Variants in DMTN observed in about 807,000 individuals in gnomAD.
DMTN encodes the protein dematin actin binding protein.
A neutral mutation model predicts 59.4 loss-of-function variants in DMTN; 27 were observed. That is an observed-to-expected ratio of 0.45 (90% CI 0.33 to 0.63). The LOEUF (loss-of-function observed/expected upper bound fraction) is 0.63, where lower values mean the gene tolerates loss of function less well. DMTN is among the 20% of genes least tolerant of loss of function. The pLI, the probability that DMTN is intolerant of heterozygous loss-of-function variation, is 0.02. For missense variants in DMTN, 451 were observed against 528.9 expected, an observed-to-expected ratio of 0.85 and a Z score of 1.45; for synonymous variants, 221 against 203.7, an observed-to-expected ratio of 1.08 and a Z score of -0.72.
chr8:22,081,281 G>C lies in DMTN; in HGVS notation c.1105-69G>C, dbSNP rs1824122241. On this transcript the variant is annotated intron_variant, in intron 15 of 15. Coordinates refer to ENST00000358242, the MANE Select transcript of DMTN (RefSeq NM_001387751.1). ...GAAGATCTGGGGCCTCTATGAGTGA[G>C]TGTCCCCTAGGTCACTGGGCACAGC... 1.3e-5 allele frequency: 21 copies of C among 1,597,336 alleles called. No homozygotes were observed. In the Admixed American group the frequency reaches 3.5e-4, roughly 27 times the overall value.
chr8:22,079,277 A>ATATATATAT (rs1238511445), intron 10 of DMTN, among the ~76,000 whole-genome samples: 52 of 27,660 alleles, frequency 1.9e-3, no homozygotes, highest in African/African-American at 5.9e-3. Flanking sequence ...TAAATAAATA[A>ATATATATAT]ATATATATAT....
chr8:22,060,723 C>G lies in DMTN; in HGVS notation c.-172+3587C>G, dbSNP rs1302951057. On this transcript the variant is annotated intron_variant, in intron 1 of 15. Coordinates refer to ENST00000358242, the MANE Select transcript of DMTN (RefSeq NM_001387751.1). The surrounding 1 kb of genome is among the most constrained non-coding windows in gnomAD (Gnocchi z 5.0). ...CCAGATGCTAAAGCGCAAGACCCAG[C>G]AGTGGGGTTGTGGGCAGGAAGGGAC... Among the ~76,000 whole-genome samples the G allele has an allele frequency of 6.6e-6, 1 of 152,238 alleles. No individual in the cohort carries two copies. The highest frequency in any genetic ancestry group is 1.5e-5 in the Non-Finnish European group (1 of 68,042).
intron 1 of DMTN, among the ~76,000 whole-genome samples, chr8:22,061,669 G>T (rs1224084243): frequency 2.0e-5 from 3 of 151,700 alleles, no homozygotes; most frequent in Admixed American, 1.3e-4. Context: ...CCCTCTCTGT[G>T]TGCAGCTGCA....
chr8:22,067,094 A>G lies in DMTN; in HGVS notation c.28A>G (p.Thr10Ala). Reference protein sequence around the residue: MERLQKQPLTSPGSVSPSRD... With the variant: MERLQKQPLASPGSVSPSRD... ...TTCTCGCTCTCCCCAGCAACCACTT[A>G]CCTCCCCCGGGAGCGTGAGCCCCTC... Residue 10 changes from threonine to alanine, a missense_variant, in exon 3 of 16, where the codon ACC (threonine) becomes GCC (alanine). By Grantham distance (58) the Thr-to-Ala change is moderately conservative. Transcript: ENST00000358242. The G allele has an allele frequency of 1.4e-5, 22 of 1,585,914 alleles. No individual in the cohort carries two copies. The highest frequency in any genetic ancestry group is 2.8e-5 in the African/African-American group (2 of 70,718).
At chr8:22,065,889 G>A (rs1810250642) in intron 1 of DMTN, among the ~76,000 whole-genome samples, 1 of 141,650 alleles carries the variant, frequency 7.1e-6, no homozygotes, top group Non-Finnish European at 1.5e-5. Context: ...CACCCAGGCT[G>A]GAGTGCAGTG....
At chr8:22,068,604 G>C (rs1299595182) in intron 4 of DMTN, among the ~76,000 whole-genome samples, 1 of 151,766 alleles carries the variant, frequency 6.6e-6, no homozygotes, top group African/African-American at 2.4e-5. Flanking sequence ...AAGAATAAGA[G>C]ACAAGAGAGA....
rs185063647 is a variant in DMTN, at chr8:22,072,021, G to A, written c.605-305G>A. Among the ~76,000 whole-genome samples, 667 of 152,096 alleles carry A rather than the reference G, an allele frequency of 4.4e-3. 3 individuals carry two copies. Among genetic ancestry groups the A allele is most frequent in the African/African-American group, 0.015 (639 of 41,478 alleles). ...CAATCCACCTAGTTCAGTGTCCCCA[G>A]CAGCTGGGACTACAGGCATGCCCTA... On this transcript the variant is annotated intron_variant, in intron 8 of 15. Coordinates refer to ENST00000358242, the MANE Select transcript of DMTN (RefSeq NM_001387751.1).
In DMTN at chr8:22,081,801, G is replaced by A. The variant is rs1388321015; in HGVS notation, c.*338G>A. Reference sequence around the variant, plus strand: ...GCATTGGTGGTTAGGCCGGTTGGCTGTCTTGAACAGCTGGAGGGAAGATGC... The same window carrying A: ...GCATTGGTGGTTAGGCCGGTTGGCTATCTTGAACAGCTGGAGGGAAGATGC... On this transcript the variant is annotated 3_prime_UTR_variant, in exon 16 of 16. Coordinates refer to ENST00000358242, the MANE Select transcript of DMTN (RefSeq NM_001387751.1). 1 of 494,448 alleles carries A rather than the reference G, an allele frequency of 2.0e-6. No homozygotes were observed. Among genetic ancestry groups the A allele is most frequent in the East Asian group, 5.6e-5 (1 of 17,830 alleles). The allele number at this position is 494,448 out of a possible 1,614,324, so 30.6% of individuals were successfully genotyped here.
At chr8:22,081,069 A>G (rs1823942738) in intron 14 of DMTN, 44 bp from the exon 15 acceptor site, 3 of 1,579,722 alleles carry the variant, frequency 1.9e-6, no homozygotes, top group Non-Finnish European at 2.6e-6. Flanking sequence ...GTCGAAGGAC[A>G]GGATATTCTG....
At chr8:22,070,474 C>G in intron 8 of DMTN, 140 bp downstream of exon 8, 2 of 1,065,458 alleles carry the variant, frequency 1.9e-6, no homozygotes, top group Non-Finnish European at 2.6e-6. Context: ...CTTCAGGAGC[C>G]CCCAGGCTCC....
intron 1 of DMTN, among the ~76,000 whole-genome samples, chr8:22,057,455 C>T (rs1050337557): frequency 6.6e-6 from 1 of 151,470 alleles, no homozygotes; most frequent in Non-Finnish European, 1.5e-5. Context: ...TGTGGGGGCA[C>T]GGGGTGGGCA....
Position 22,066,768 on chromosome 8 carries a change from G to A in DMTN, c.-108G>A. Reference sequence around the variant, plus strand: ...CCGGGGGAACGCGCCAGCTGCTTTCGCGGCCCCAAGCGCGCAGCGCCCAGC... The same window carrying A: ...CCGGGGGAACGCGCCAGCTGCTTTCACGGCCCCAAGCGCGCAGCGCCCAGC... On this transcript the variant is annotated 5_prime_UTR_variant, in exon 2 of 16. Transcript: ENST00000358242. 7.9e-7 allele frequency: 1 copy of A among 1,261,764 alleles called. No individual in the cohort carries two copies. The highest frequency in any genetic ancestry group is 1.0e-6 in the Non-Finnish European group (1 of 971,214). 78.2% of individuals were successfully genotyped at this position (1,261,764 alleles called of 1,614,324 possible).
Position 22,081,093 on chromosome 8 carries a change from G to GGGGGGGC in DMTN, c.1024-20_1024-19insGGGGGGC. 3.2e-6 allele frequency: 5 copies of GGGGGGGC among 1,572,866 alleles called. No individual in the cohort carries two copies. The highest frequency in any genetic ancestry group is 4.4e-6 in the Non-Finnish European group (5 of 1,144,774). ...CAGGATATTCTGTGAGCCTAAGATT[G>GGGGGGGC]CCCCTCCCCCCACCCCCAGATCTAT... On this transcript the variant is annotated intron_variant, in intron 14 of 15. Transcript: ENST00000358242.
chr8:22,082,227 T>C lies in DMTN; in HGVS notation c.*764T>C. 2.2e-6 allele frequency: 1 copy of C among 456,932 alleles called. No individual in the cohort carries two copies. The allele number at this position is 456,932 out of a possible 1,614,324, so 28.3% of individuals were successfully genotyped here. A position where few individuals can be genotyped will look rare whatever the true frequency, so the allele number is the denominator to read the frequency against. On this transcript the variant is annotated 3_prime_UTR_variant, in exon 16 of 16. Coordinates refer to ENST00000358242, the MANE Select transcript of DMTN (RefSeq NM_001387751.1). ...GTCAAGAGGCCAGGCCTGGCACATT[T>C]TGGAGTGTCCTGGCTACCAGCTCTC...
intron 10 of DMTN, among the ~76,000 whole-genome samples, chr8:22,079,303 A>ATATATAT (rs67715172): frequency 0.011 from 574 of 51,892 alleles, 19 homozygotes; most frequent in Non-Finnish European, 0.018. Flanking sequence ...TATATATATT[A>ATATATAT]GCTGGGTTTG....
intron 10 of DMTN, among the ~76,000 whole-genome samples, chr8:22,078,264 C>T (rs977452458): frequency 1.3e-5 from 2 of 151,974 alleles, no homozygotes; most frequent in African/African-American, 4.8e-5. Context: ...ACTCAGGAGG[C>T]TGAGGCAGGA....
rs1411554480 is a variant in DMTN, at chr8:22,080,618, G to A, written c.950G>A (p.Gly317Asp). Residue 317 changes from glycine (G) to aspartate (D), a missense_variant and splice_region_variant, in exon 13 of 16, where the codon GGC becomes GAC. By Grantham distance (94) the Gly-to-Asp change is moderately conservative. Coordinates refer to ENST00000358242, the MANE Select transcript of DMTN (RefSeq NM_001387751.1). ...GACCCATGCCCCTTCTCTCCCGCAGGCCTGCAGGTGAGTGCCTCCTGGAGG... is the reference window on the plus strand; with the variant it reads ...GACCCATGCCCCTTCTCTCCCGCAGACCTGCAGGTGAGTGCCTCCTGGAGG... ...SPSGSETGSP[G>D]LQNGEGQRGR... 6.2e-7 allele frequency: 1 copy of A among 1,607,258 alleles called. No homozygotes were observed. Among genetic ancestry groups the A allele is most frequent in the South Asian group, 1.1e-5 (1 of 90,246 alleles).
At chr8:22,079,034 G>A (rs1013401678) in intron 10 of DMTN, among the ~76,000 whole-genome samples, 4 of 150,982 alleles carry the variant, frequency 2.6e-5, no homozygotes, top group Admixed American at 6.6e-5. Flanking sequence ...TCTTGACCTC[G>A]TGATCCACCC....
At chr8:22,049,258 C>A (rs1417459803), upstream of DMTN, 1 of 120,508 alleles carries the variant, frequency 8.3e-6, no homozygotes, top group South Asian at 3.2e-4. Context: ...CGGGGTTGGG[C>A]GGCCGGAAGG....
Sources: allele counts gnomAD v4.1 joint callset (sites outside exome capture counted in the v4.1 genomes callset), GRCh38; gene constraint gnomAD v4.1.1; non-coding constraint Gnocchi (gnomAD v3.1); transcripts MANE v1.5; gene names NCBI Gene and HGNC (gene_info 2026-07-23, HGNC 2026-07-21).